The following CACNA2D3 variants were observed in gnomAD, a reference collection of about 807,000 sequenced individuals.
The protein encoded by CACNA2D3 is calcium voltage-gated channel auxiliary subunit alpha2delta 3.
A neutral mutation model predicts 160.6 loss-of-function variants in CACNA2D3; 60 were observed. The observed-to-expected ratio is 0.37, with a 90% confidence interval of 0.30 to 0.46. The LOEUF is 0.46. CACNA2D3 is among the 20% of genes least tolerant of loss of function. The probability of loss-of-function intolerance (pLI) is 1.00; values close to 1 mark genes in which losing one functional copy is unlikely to be tolerated. For missense variants in CACNA2D3, 1,205 were observed against 1,365.0 expected, an observed-to-expected ratio of 0.88 and a Z score of 1.85; for synonymous variants, 558 against 492.9, an observed-to-expected ratio of 1.13 and a Z score of -1.75.
At chr3:54,601,474 C>T (rs2106773568) in intron 9 of CACNA2D3, among the ~76,000 whole-genome samples, 1 of 152,238 alleles carries the variant, frequency 6.6e-6, no homozygotes, top group Non-Finnish European at 1.5e-5. Flanking sequence ...TCCCTAAGTG[C>T]TGGGATTATA....
intron 4 of CACNA2D3, among the ~76,000 whole-genome samples, chr3:54,447,821 A>G (rs959039804): frequency 1.3e-5 from 2 of 152,168 alleles, no homozygotes; most frequent in African/African-American, 2.4e-5. Flanking sequence ...TTTAGATGAC[A>G]TTTCTGGCCA....
chr3:54,771,995 A>G (rs973237698), intron 13 of CACNA2D3, among the ~76,000 whole-genome samples: 1 of 151,980 alleles, frequency 6.6e-6, no homozygotes, highest in Admixed American at 6.6e-5. Context: ...TAACATTTCT[A>G]CTTAGCACTG....
At chr3:55,066,926 T>G (rs1704654093) in intron 35 of CACNA2D3, among the ~76,000 whole-genome samples, 1 of 152,102 alleles carries the variant, frequency 6.6e-6, no homozygotes, top group African/African-American at 2.4e-5. Context: ...CCCAGCTGGA[T>G]GGAGGTGTGT....
chr3:55,020,327 T>TA lies in CACNA2D3; in HGVS notation c.2987+2011dup, dbSNP rs564677384. Among the ~76,000 whole-genome samples, 9 of 149,896 alleles carry TA rather than the reference T, an allele frequency of 6.0e-5. 1 individual carries two copies. In the South Asian group the frequency reaches 1.9e-3, roughly 31 times the overall value. ...GTATAATATATGTATTATATGTACA[T>TA]ATCGTATGTATGTATTATTTCATGA... On this transcript the variant is annotated intron_variant, in intron 35 of 37. Transcript: ENST00000474759.
chr3:54,976,594 C>A (rs1702396780), intron 29 of CACNA2D3, among the ~76,000 whole-genome samples: 1 of 152,190 alleles, frequency 6.6e-6, no homozygotes, highest in African/African-American at 2.4e-5. Flanking sequence ...CCTCCTGTAG[C>A]TGCCATCCTC....
chr3:54,924,974 G>A (rs763248040), intron 27 of CACNA2D3: 1 of 1,611,606 alleles, frequency 6.2e-7, no homozygotes, highest in Non-Finnish European at 8.5e-7. Flanking sequence ...AAAGGGAATT[G>A]TTGGACAAGT....
At chr3:54,311,242 G>A (rs907487459) in intron 2 of CACNA2D3, among the ~76,000 whole-genome samples, 9 of 152,146 alleles carry the variant, frequency 5.9e-5, no homozygotes, top group South Asian at 2.1e-4. Flanking sequence ...GAGGGACATA[G>A]GATGAGCTTA....
intron 35 of CACNA2D3, among the ~76,000 whole-genome samples, chr3:55,066,111 G>A (rs1382326540): frequency 1.3e-5 from 2 of 152,128 alleles, no homozygotes. Context: ...GGGAAACCTG[G>A]TGCTTGCTGG....
chr3:54,760,929 T>C (rs1702069452), intron 12 of CACNA2D3, among the ~76,000 whole-genome samples: 1 of 152,158 alleles, frequency 6.6e-6, no homozygotes. Flanking sequence ...GTGTCGGGTA[T>C]ACAGTTGGCC....
At chr3:55,069,956 A>G (rs182504615) in intron 35 of CACNA2D3, among the ~76,000 whole-genome samples, 1 of 152,236 alleles carries the variant, frequency 6.6e-6, no homozygotes, top group African/African-American at 2.4e-5. Flanking sequence ...AATTTATGTC[A>G]GTAAGCTTTT....
rs529526171 is a variant in CACNA2D3, at chr3:54,505,794, A to G, written c.544+2140A>G. Among the ~76,000 whole-genome samples the G allele has an allele frequency of 8.5e-5, 13 of 152,364 alleles. No homozygotes were observed. The South Asian group carries it at 2.7e-3, about 32-fold the overall frequency. ...ATTATAGAGATTTAATTGCACCTCT[A>G]GCTTTAAAGGCATAATTGTGCCTTT... On this transcript the variant is annotated intron_variant, in intron 5 of 37. Transcript: ENST00000474759.
intron 5 of CACNA2D3, among the ~76,000 whole-genome samples, chr3:54,560,691 G>A (rs1702310779): frequency 1.3e-5 from 2 of 152,216 alleles, no homozygotes; most frequent in South Asian, 4.2e-4. Flanking sequence ...TTGTATTCCA[G>A]GGTTTTTATA....
intron 2 of CACNA2D3, among the ~76,000 whole-genome samples, chr3:54,293,985 AG>A (rs1459710685): frequency 6.6e-6 from 1 of 152,194 alleles, no homozygotes; most frequent in Non-Finnish European, 1.5e-5. Context: ...CCCAGAAAGG[AG>A]GGGGAGAAGG....
At chr3:54,744,116 A>G (rs796989106) in intron 11 of CACNA2D3, among the ~76,000 whole-genome samples, 15 of 152,218 alleles carry the variant, frequency 9.9e-5, no homozygotes, top group African/African-American at 3.6e-4. Context: ...ATGTCCCTCT[A>G]TGTAGAGGAC....
chr3:54,135,800 CAG>C (rs1389711255), intron 2 of CACNA2D3, among the ~76,000 whole-genome samples: 1 of 152,218 alleles, frequency 6.6e-6, no homozygotes, highest in Non-Finnish European at 1.5e-5. Context: ...TCTTGGGAAA[CAG>C]TCCCTCCACC....
intron 17 of CACNA2D3, among the ~76,000 whole-genome samples, chr3:54,866,828 G>A (rs1880828): frequency 0.13 from 19,638 of 152,168 alleles, 1,455 homozygotes; most frequent in African/African-American, 0.19. Flanking sequence ...CTTGCTCCTC[G>A]GATGAGTGCC....
chr3:54,441,523 G>A (rs533029872), intron 4 of CACNA2D3, among the ~76,000 whole-genome samples: 16 of 152,148 alleles, frequency 1.1e-4, no homozygotes, highest in Non-Finnish European at 2.1e-4. Context: ...GGCTTTTGTT[G>A]CCATTGCTTT....
intron 2 of CACNA2D3, among the ~76,000 whole-genome samples, chr3:54,126,099 G>A (rs1699585061): frequency 6.6e-6 from 1 of 152,258 alleles, no homozygotes; most frequent in African/African-American, 2.4e-5. Flanking sequence ...GTTAAGTAAG[G>A]TGTGCTGTAT....
At chr3:54,461,409 A>T (rs2106843109) in intron 4 of CACNA2D3, among the ~76,000 whole-genome samples, 1 of 150,238 alleles carries the variant, frequency 6.7e-6, no homozygotes, top group Middle Eastern at 3.4e-3. Context: ...CTGGTCCTGG[A>T]CTCTTTTTGA....
Sources: gnomAD v4.1 joint callset for allele counts (sites outside exome capture counted in the v4.1 genomes callset) on GRCh38, gnomAD v4.1.1 for gene constraint, MANE v1.5 for transcripts, NCBI Gene and HGNC (gene_info 2026-07-23, HGNC 2026-07-21) for gene names.